CTNNA3: variants seen among roughly 807,000 people sequenced by gnomAD.
CTNNA3 encodes the protein catenin alpha-3.
In CTNNA3, 76 loss-of-function variants were observed where a neutral mutation model predicts 95.7. That is an observed-to-expected ratio of 0.79 (90% confidence interval 0.66 to 0.96). The LOEUF (loss-of-function observed/expected upper bound fraction) is 0.96, where lower values mean the gene tolerates loss of function less well. CTNNA3 is among the 40% of genes least tolerant of loss of function. The pLI is 0.00. For synonymous variants in CTNNA3, 431 were observed against 374.4 expected, an observed-to-expected ratio of 1.15 and a Z score of -1.74; for missense variants, 1,191 against 1,089.8, an observed-to-expected ratio of 1.09 and a Z score of -1.31.
Position 67,045,588 on chromosome 10 carries a change from C to T in CTNNA3, c.1047+134729G>A, listed in dbSNP as rs189905228. Among the ~76,000 whole-genome samples the T allele has an allele frequency of 5.0e-3, 760 of 152,270 alleles. 5 individuals carry two copies. The highest frequency in any genetic ancestry group is 0.017 in the African/African-American group (686 of 41,546). On this transcript the variant is annotated intron_variant, in intron 7 of 17. Coordinates refer to ENST00000433211, the MANE Select transcript of CTNNA3 (RefSeq NM_013266.4). ...CCAGGTTCCCCACGAACTTCCATTG[C>T]GTGACGGGCAAGGGGGCAGCTGCCT...
intron 7 of CTNNA3, among the ~76,000 whole-genome samples, chr10:66,859,972 C>T: frequency 8.3e-6 from 1 of 120,052 alleles, no homozygotes; most frequent in Non-Finnish European, 1.7e-5. Flanking sequence ...ACAATGAGAA[C>T]ACATGGACAC....
intron 6 of CTNNA3, among the ~76,000 whole-genome samples, chr10:67,181,821 T>C (rs570983755): frequency 6.2e-4 from 94 of 152,014 alleles, no homozygotes; most frequent in Non-Finnish European, 6.6e-4. Flanking sequence ...TAGAAAAAGA[T>C]ATAGTTTTAA....
chr10:67,004,617 T>C (rs1450122302), intron 7 of CTNNA3, among the ~76,000 whole-genome samples: 1 of 152,318 alleles, frequency 6.6e-6, no homozygotes, highest in African/African-American at 2.4e-5. Context: ...ACTACAGAAC[T>C]AATCCTACAA....
intron 5 of CTNNA3, among the ~76,000 whole-genome samples, chr10:67,439,822 C>T (rs961384212): frequency 2.6e-5 from 4 of 152,066 alleles, no homozygotes; most frequent in Non-Finnish European, 5.9e-5. Flanking sequence ...CCCGAACAAC[C>T]AAAGGCAATA....
chr10:66,430,018 G>C (rs12264873), intron 11 of CTNNA3, among the ~76,000 whole-genome samples: 24,172 of 103,828 alleles, frequency 0.23, 3,531 homozygotes, highest in African/African-American at 0.32. Flanking sequence ...CATCTCAGTC[G>C]AAAATCTCCT....
At chr10:67,194,086 G>T (rs1185419380) in intron 6 of CTNNA3, among the ~76,000 whole-genome samples, 1 of 151,974 alleles carries the variant, frequency 6.6e-6, no homozygotes, top group African/African-American at 2.4e-5. Flanking sequence ...TTAAAACTAT[G>T]TTTGTTGGCT....
intron 7 of CTNNA3, among the ~76,000 whole-genome samples, chr10:67,158,315 G>A (rs1462108440): frequency 6.6e-6 from 1 of 152,022 alleles, no homozygotes; most frequent in East Asian, 1.9e-4. Flanking sequence ...GACACAAGAT[G>A]GCTCATGGGA....
At chr10:66,492,172 C>T (rs909663315) in intron 11 of CTNNA3, among the ~76,000 whole-genome samples, 2 of 152,196 alleles carry the variant, frequency 1.3e-5, no homozygotes, top group Non-Finnish European at 2.9e-5. Context: ...TAATCCTCTA[C>T]ACACCATCCT....
intron 17 of CTNNA3, among the ~76,000 whole-genome samples, chr10:65,931,462 CA>C (rs1424161575): frequency 6.6e-6 from 1 of 152,164 alleles, no homozygotes; most frequent in Non-Finnish European, 1.5e-5. Context: ...AAGCAGATAA[CA>C]AGACAGTACG....
intron 11 of CTNNA3, among the ~76,000 whole-genome samples, chr10:66,425,859 T>C (rs1042815172): frequency 3.9e-5 from 6 of 152,050 alleles, no homozygotes; most frequent in African/African-American, 1.4e-4. Flanking sequence ...TACACAACAT[T>C]ACCAGCTCCC....
chr10:67,559,629 A>C, intron 3 of CTNNA3, among the ~76,000 whole-genome samples: 1 of 152,250 alleles, frequency 6.6e-6, no homozygotes, highest in Non-Finnish European at 1.5e-5. Context: ...AACGGAACGA[A>C]GCTGGACGGA....
chr10:66,409,665 A>T (rs12572348), intron 11 of CTNNA3, among the ~76,000 whole-genome samples: 20,472 of 152,164 alleles, frequency 0.13, 1,767 homozygotes, highest in African/African-American at 0.25. Context: ...AATAGGTCAC[A>T]TTGTCTTCTA....
At chr10:67,588,677 G>T (rs965002675) in intron 3 of CTNNA3, among the ~76,000 whole-genome samples, 1 of 151,928 alleles carries the variant, frequency 6.6e-6, no homozygotes, top group Non-Finnish European at 1.5e-5. Context: ...TATACAAAAA[G>T]TTGAGCCTTA....
At chr10:66,653,071 C>T (rs769116026) in intron 9 of CTNNA3, among the ~76,000 whole-genome samples, 11 of 152,216 alleles carry the variant, frequency 7.2e-5, no homozygotes, top group African/African-American at 1.4e-4. Context: ...CAAGGATTCC[C>T]GTTCTTTTCG....
At chr10:66,782,379 C>T (rs1345104650) in intron 7 of CTNNA3, among the ~76,000 whole-genome samples, 2 of 152,082 alleles carry the variant, frequency 1.3e-5, no homozygotes, top group East Asian at 1.9e-4. Flanking sequence ...CCAGCCTTGT[C>T]CTGGAATGCC....
intron 3 of CTNNA3, among the ~76,000 whole-genome samples, chr10:67,605,679 C>CA (rs1843248489): frequency 6.6e-6 from 1 of 151,734 alleles, no homozygotes; most frequent in African/African-American, 2.4e-5. Flanking sequence ...CACATAAATA[C>CA]AAAAATTTTT....
chr10:67,641,488 C>T (rs112114105), intron 2 of CTNNA3, among the ~76,000 whole-genome samples: 195 of 152,210 alleles, frequency 1.3e-3, no homozygotes, highest in African/African-American at 4.4e-3. Flanking sequence ...ACCATTTGAC[C>T]CAGCCATCCC....
chr10:67,261,418 G>T (rs556978508), intron 5 of CTNNA3, among the ~76,000 whole-genome samples: 1 of 152,198 alleles, frequency 6.6e-6, no homozygotes, highest in South Asian at 2.1e-4. Flanking sequence ...AACAACATTT[G>T]GGAAACTTTA....
intron 5 of CTNNA3, among the ~76,000 whole-genome samples, chr10:67,379,288 C>G (rs191369532): frequency 6.6e-5 from 10 of 152,212 alleles, no homozygotes; most frequent in Admixed American, 3.9e-4. Flanking sequence ...TCTAGCCCCC[C>G]GCTTGGACAA....
Sources: allele counts gnomAD v4.1 joint callset (sites outside exome capture counted in the v4.1 genomes callset), GRCh38; gene constraint gnomAD v4.1.1; transcripts MANE v1.5; gene names NCBI Gene and HGNC (gene_info 2026-07-23, HGNC 2026-07-21).